NCR1: variants seen among roughly 807,000 people sequenced by gnomAD.
The protein encoded by NCR1 is NK cell-activating receptor.
Under a neutral mutation model 32.5 loss-of-function variants are expected in NCR1, and 30 were observed. That is an observed-to-expected ratio of 0.92 (90% confidence interval 0.69 to 1.25). The LOEUF (loss-of-function observed/expected upper bound fraction) is 1.25. Ranked by LOEUF, NCR1 falls within the 50% of genes most tolerant of loss-of-function variation. NCR1 has a pLI of 0.00. For missense variants in NCR1, 369 were observed against 380.7 expected (o/e 0.97, Z 0.26); for synonymous variants, 169 against 143.4 (o/e 1.18, Z -1.28).
rs751568837 is a variant in NCR1, at chr19:54,912,783, A to C, written c.827A>C (p.Asp276Ala). 1 of 1,613,884 alleles carries C rather than the reference A, an allele frequency of 6.2e-7. No homozygotes were observed. The highest frequency in any genetic ancestry group is 8.5e-7 in the Non-Finnish European group (1 of 1,179,996). ...GCTCTAGTGTGGTTCCTGGTTGAAG[A>C]CTGGCTCAGCAGGAAGAGGACTAGA... The part of the protein sequence containing the change: ...LVALVWFLVE[D>A]WLSRKRTRER... Residue 276 changes from aspartate to alanine, a missense_variant, in exon 7 of 7, where the codon GAC becomes GCC. Asp to Ala is a moderately radical substitution (Grantham distance 126). Coordinates refer to ENST00000291890, the MANE Select transcript of NCR1 (RefSeq NM_004829.7).
At chr19:54,912,242 G>C in intron 6 of NCR1, 24 bp downstream of exon 6, 3 of 1,610,200 alleles carry the variant, frequency 1.9e-6, no homozygotes, top group Non-Finnish European at 2.5e-6. Flanking sequence ...TGGGGCCATA[G>C]GCTCTGAAGG....
chr19:54,935,772 T>C, the NCR1 span, among the ~76,000 whole-genome samples: 1 of 151,590 alleles, frequency 6.6e-6, no homozygotes, highest in Non-Finnish European at 1.5e-5. Flanking sequence ...CTCCTGATGA[T>C]CTGAGATTGA....
chr19:54,901,064 C>G, the NCR1 span, among the ~76,000 whole-genome samples: 1 of 144,390 alleles, frequency 6.9e-6, no homozygotes, highest in Non-Finnish European at 1.5e-5. Flanking sequence ...AAGGGCGGAT[C>G]ACGAGGTCAG....
In NCR1 at chr19:54,910,075, T is replaced by G. The variant is rs752379868; in HGVS notation, c.682+10T>G. The G allele has an allele frequency of 6.2e-7, 1 of 1,612,978 alleles. No homozygotes were observed. The highest frequency in any genetic ancestry group is 2.2e-5 in the East Asian group (1 of 44,866). On this transcript the variant is annotated intron_variant, in intron 5 of 6. Transcript: ENST00000291890. ...GACCCCACCTTTCCTGGTGAGTAAC[T>G]GGTCCTTCTAAGCTCAGACGAGCGA... is the stretch of plus-strand genomic sequence containing the variant.
At chr19:54,906,442 G>T in intron 2 of NCR1, 81 bp from the exon 3 acceptor site, 3 of 1,599,954 alleles carry the variant, frequency 1.9e-6, no homozygotes, top group East Asian at 2.2e-5. Context: ...TCCCAGGAGA[G>T]CTTGGGGCCA....
upstream of NCR1, among the ~76,000 whole-genome samples, chr19:54,903,515 CAT>C (rs1491168953): frequency 1.6e-5 from 2 of 122,364 alleles, no homozygotes; most frequent in Non-Finnish European, 3.6e-5. Flanking sequence ...TACACGCATA[CAT>C]GTGTGTATAC....
At chr19:54,938,095 C>T in the NCR1 span, 10 of 1,613,900 alleles carry the variant, frequency 6.2e-6, no homozygotes, top group East Asian at 4.5e-5. Context: ...ACAAAGAATC[C>T]GCACAGAAGA....
the NCR1 span, chr19:54,927,638 A>T: frequency 2.5e-6 from 4 of 1,614,178 alleles, no homozygotes; most frequent in Non-Finnish European, 3.4e-6. Flanking sequence ...TCTTTGTCTT[A>T]GAACCCCAAA....
the NCR1 span, among the ~76,000 whole-genome samples, chr19:54,934,010 T>A: frequency 1.3e-5 from 2 of 152,184 alleles, no homozygotes; most frequent in African/African-American, 2.4e-5. This position sits in a 1 kb window ranked among gnomAD's most constrained non-coding sequence, Gnocchi z 6.7. Context: ...TGGCGCGATC[T>A]CGGTTCACTG....
At chr19:54,926,217 T>TGTGTGTGTGTGTGTGTGTGTGTGC in the NCR1 span, among the ~76,000 whole-genome samples, 3 of 150,744 alleles carry the variant, frequency 2.0e-5, no homozygotes, top group Admixed American at 2.0e-4. Context: ...TGTGTGTGTG[T>TGTGTGTGTGTGTGTGTGTGTGTGC]GTGTGTGTGT....
chr19:54,935,351 C>T, the NCR1 span, among the ~76,000 whole-genome samples: 2 of 152,048 alleles, frequency 1.3e-5, no homozygotes, highest in Non-Finnish European at 2.9e-5. Context: ...CCTCAGCATC[C>T]ACTGTAGCTG....
intron 3 of NCR1, among the ~76,000 whole-genome samples, chr19:54,907,149 G>GTT (rs111928722): frequency 5.0e-5 from 7 of 141,130 alleles, no homozygotes; most frequent in Non-Finnish European, 7.8e-5. Flanking sequence ...CAGGTGGTGG[G>GTT]TTTTTTTTTT....
the NCR1 span, among the ~76,000 whole-genome samples, chr19:54,922,947 C>A: frequency 6.6e-6 from 1 of 151,168 alleles, no homozygotes; most frequent in African/African-American, 2.4e-5. Flanking sequence ...CACAGAGAAA[C>A]AAAGAGAGAC....
At chr19:54,924,497 G>A in the NCR1 span, among the ~76,000 whole-genome samples, 3 of 152,068 alleles carry the variant, frequency 2.0e-5, no homozygotes, top group Non-Finnish European at 4.4e-5. Context: ...GGTGGTGCAC[G>A]CCTATAGTCC....
At chr19:54,933,634 C>T in the NCR1 span, 3 of 1,614,172 alleles carry the variant, frequency 1.9e-6, no homozygotes, top group Non-Finnish European at 2.5e-6. Context: ...CCCCTGTATC[C>T]CCAATGGGGT....
the NCR1 span, among the ~76,000 whole-genome samples, chr19:54,937,083 T>G: frequency 3.4e-5 from 5 of 147,608 alleles, no homozygotes; most frequent in African/African-American, 1.3e-4. Context: ...CCGGGCGTGG[T>G]GGCGGGCGCC....
intron 6 of NCR1, 91 bp from the exon 7 acceptor site, chr19:54,912,599 C>CAAAA (rs60025694): frequency 6.9e-5 from 26 of 375,286 alleles, no homozygotes; most frequent in South Asian, 1.3e-4. Flanking sequence ...GGCTCTGTCT[C>CAAAA]AAAAAAAAAA....
chr19:54,906,722 C>A lies in NCR1; in HGVS notation c.270C>A (p.Ser90=). The change falls in exon 3 of 7, where the codon TCC becomes TCA. Residue 90 remains serine (S), a synonymous_variant. Coordinates refer to ENST00000291890, the MANE Select transcript of NCR1 (RefSeq NM_004829.7). ...AATTCTACATCCCGGACATGAACTC[C>A]CGCATGGCAGGGCAATACAGCTGCA... ...KVQFYIPDMN[S]RMAGQYSCIY... 6.2e-7 allele frequency: 1 copy of A among 1,614,220 alleles called. No homozygotes were observed. Among genetic ancestry groups the A allele is most frequent in the Non-Finnish European group, 8.5e-7 (1 of 1,180,026 alleles).
At chr19:54,899,725 C>T in the NCR1 span, among the ~76,000 whole-genome samples, 6 of 151,990 alleles carry the variant, frequency 3.9e-5, no homozygotes, top group African/African-American at 1.2e-4. Flanking sequence ...TCTTGCCCCC[C>T]CAGAAAAGCA....
Sources: gnomAD v4.1 joint callset for allele counts (sites outside exome capture counted in the v4.1 genomes callset) on GRCh38, gnomAD v4.1.1 for gene constraint, Gnocchi (gnomAD v3.1) non-coding constraint, MANE v1.5 for transcripts, NCBI Gene and HGNC (gene_info 2026-07-23, HGNC 2026-07-21) for gene names.